The following SLC2A14 variants were observed in gnomAD, a reference collection of about 807,000 sequenced individuals.
SLC2A14 encodes the protein solute carrier family 2 member 14, also known as solute carrier family 2, facilitated glucose transporter member 14.
In SLC2A14, 13 loss-of-function variants were observed where a neutral mutation model predicts 43.0. The observed-to-expected ratio is 0.30, with a 90% CI of 0.20 to 0.48. The LOEUF (loss-of-function observed/expected upper bound fraction) is 0.48, where lower values mean the gene tolerates loss of function less well. Ranked by LOEUF, SLC2A14 falls within the 20% of genes least tolerant of loss-of-function variation. The pLI, the probability that SLC2A14 is intolerant of heterozygous loss-of-function variation, is 0.99. For synonymous variants in SLC2A14, 190 were observed against 233.8 expected (o/e 0.81, Z 1.71); for missense variants, 428 against 620.4 (o/e 0.69, Z 3.29).
chr12:7,838,532 A>G (rs747388798), intron 2 of SLC2A14, among the ~76,000 whole-genome samples: 2 of 152,298 alleles, frequency 1.3e-5, no homozygotes, highest in East Asian at 1.9e-4. Context: ...TTATATTATG[A>G]AAGCACATAA....
chr12:7,877,607 G>A (rs1945484042), upstream of SLC2A14, among the ~76,000 whole-genome samples: 1 of 150,466 alleles, frequency 6.6e-6, no homozygotes, highest in South Asian at 2.1e-4. Flanking sequence ...TGCATTTTTA[G>A]TAGAGGTGGA....
chr12:7,873,674 C>G, upstream of SLC2A14, among the ~76,000 whole-genome samples: 1 of 38,798 alleles, frequency 2.6e-5, no homozygotes, highest in African/African-American at 8.4e-5. Flanking sequence ...AACAAACAAA[C>G]AAACAAAACA....
intron 1 of SLC2A14, among the ~76,000 whole-genome samples, chr12:7,884,307 G>A (rs1460907446): frequency 6.6e-6 from 1 of 152,080 alleles, no homozygotes; most frequent in Non-Finnish European, 1.5e-5. Context: ...TGGAGGCTGG[G>A]ACCTCTTGCT....
In SLC2A14 at chr12:7,814,167, C is replaced by G. The variant is rs1252570609; in HGVS notation, c.*149G>C. The G allele has an allele frequency of 1.7e-5, 25 of 1,452,086 alleles. No homozygotes were observed. Among genetic ancestry groups the G allele is most frequent in the Non-Finnish European group, 1.6e-5 (17 of 1,078,316 alleles). 90.0% of individuals were successfully genotyped at this position (1,452,086 alleles called of 1,614,324 possible). A position where few individuals can be genotyped will look rare whatever the true frequency, so the allele number is the denominator to read the frequency against. ...CCATTGAAGATCCAACAAACTGCAG[C>G]CTTGGGGTGCTCATGGAGTGCGTGG... On this transcript the variant is annotated 3_prime_UTR_variant, in exon 11 of 11. Coordinates refer to ENST00000431042, the MANE Select transcript of SLC2A14 (RefSeq NM_001286234.2).
intron 6 of SLC2A14, among the ~76,000 whole-genome samples, chr12:7,827,972 T>C (rs1864640877): frequency 6.6e-6 from 1 of 152,132 alleles, no homozygotes; most frequent in Non-Finnish European, 1.5e-5. Flanking sequence ...AGCCCATCTC[T>C]AATAAAAATA....
chr12:7,888,289 G>GT (rs1345720895), intron 1 of SLC2A14, among the ~76,000 whole-genome samples: 2 of 151,988 alleles, frequency 1.3e-5, no homozygotes, highest in African/African-American at 4.8e-5. Context: ...GCAGTCCTGT[G>GT]ACACAAGCAG....
chr12:7,826,243 A>T (rs974918212), intron 7 of SLC2A14, among the ~76,000 whole-genome samples: 2 of 147,418 alleles, frequency 1.4e-5, no homozygotes, highest in Non-Finnish European at 3.0e-5. Context: ...TTTTTTTAAG[A>T]CAGGGTCATG....
chr12:7,826,891 T>TTC lies in SLC2A14; in HGVS notation c.864+602_864+603dup, dbSNP rs1409759041. Among the ~76,000 whole-genome samples, 3 of 54,194 alleles carry TTC rather than the reference T, an allele frequency of 5.5e-5. 1 individual carries two copies. The highest frequency in any genetic ancestry group is 1.2e-4 in the Non-Finnish European group (3 of 25,682). The allele number at this position is 54,194 out of a possible 152,430, so 35.6% of individuals were successfully genotyped here. On this transcript the variant is annotated intron_variant, in intron 7 of 10. Transcript: ENST00000431042. ...TTTCTTTCTTTCTTTCTTTCTTTCT[T>TTC]TCTTTCTTTCTTTCTTTCTTTCTTT... is the stretch of plus-strand genomic sequence containing the variant.
chr12:7,831,615 G>GT lies in SLC2A14; in HGVS notation c.260dup (p.Asn87LysfsTer27), dbSNP rs1462065725. ...TTTCTAGTCAATACCTGCCAAAGCG[G>GT]TTAACAAAGAGTCCGACGGAAAAGG... On this transcript the variant is annotated frameshift_variant, in exon 4 of 11. Transcript: ENST00000431042. LOFTEE classifies it high-confidence loss of function. 1 of 1,614,130 alleles carries GT rather than the reference G, an allele frequency of 6.2e-7. No individual in the cohort carries two copies.
intron 1 of SLC2A14, among the ~76,000 whole-genome samples, chr12:7,888,730 A>G (rs10772836): frequency 0.99 from 149,121 of 150,130 alleles, 74,070 homozygotes; most frequent in East Asian, 1. Flanking sequence ...CCTGGGAGGT[A>G]GAGGTTGCAG....
Position 7,830,003 on chromosome 12 carries a change from G to A in SLC2A14, c.276C>T (p.Arg92=). 1 of 1,614,168 alleles carries A rather than the reference G, an allele frequency of 6.2e-7. No homozygotes were observed. Among genetic ancestry groups the A allele is most frequent in the Non-Finnish European group, 8.5e-7 (1 of 1,180,010 alleles). ...ACAGGTTGACAATCAGCATTGAATT[G>A]CGCCTGTAAGGTTAATCAAAGACAA... The part of the protein sequence containing the change: ...VGLFVNRFGR[R]NSMLIVNLLA... The change falls in exon 5 of 11, where the codon CGC becomes CGT. Residue 92 remains arginine, a synonymous_variant. Transcript: ENST00000431042.
At chr12:7,870,817 G>A in intron 1 of SLC2A14, 1 of 1,188,166 alleles carries the variant, frequency 8.4e-7, no homozygotes, top group Non-Finnish European at 1.1e-6. Flanking sequence ...CCAGCTCCAA[G>A]AACCCAGTGA....
chr12:7,887,677 C>T (rs1945711150), intron 1 of SLC2A14, among the ~76,000 whole-genome samples: 1 of 152,016 alleles, frequency 6.6e-6, no homozygotes, highest in Non-Finnish European at 1.5e-5. Flanking sequence ...TCACATTTGG[C>T]ATGTATGTCA....
intron 4 of SLC2A14, among the ~76,000 whole-genome samples, chr12:7,830,733 T>C (rs1864950563): frequency 6.6e-6 from 1 of 152,194 alleles, no homozygotes; most frequent in Non-Finnish European, 1.5e-5. Flanking sequence ...ATTTCTAGAA[T>C]ATCTAATTGG....
intron 1 of SLC2A14, among the ~76,000 whole-genome samples, chr12:7,887,163 CAGCCTCCCAA>C (rs924930233): frequency 6.6e-6 from 1 of 152,038 alleles, no homozygotes; most frequent in African/African-American, 2.4e-5. Context: ...CCACCAACCT[CAGCCTCCCAA>C]AGTGCTGGGA....
At chr12:7,871,031 C>A (rs1945199729) in intron 1 of SLC2A14, 1 of 1,429,412 alleles carries the variant, frequency 7.0e-7, no homozygotes, top group Admixed American at 1.9e-5. Context: ...GACAAGCTGG[C>A]TTCACCGCGG....
chr12:7,847,290 C>A (rs1866551281), intron 2 of SLC2A14, among the ~76,000 whole-genome samples: 1 of 152,004 alleles, frequency 6.6e-6, no homozygotes, highest in South Asian at 2.1e-4. Flanking sequence ...ATACATGTGG[C>A]TGATCTGAGT....
rs1945547145 is a variant in SLC2A14 at position 7,880,456 on chromosome 12, C to T, written c.132+10540G>A. 2.2e-5 allele frequency among the ~76,000 whole-genome samples: 3 copies of T among 137,756 alleles called. No individual in the cohort carries two copies. In the South Asian group the frequency reaches 7.1e-4, roughly 33 times the overall value. 90.4% of individuals were successfully genotyped at this position (137,756 alleles called of 152,430 possible). On this transcript the variant is annotated intron_variant, in intron 1 of 9. Coordinates refer to the SLC2A14 transcript ENST00000539924. The stretch of plus-strand genomic sequence containing the variant: ...CACCACTGCACTCCAGCTTAGGCAA[C>T]AAAGCAAGACTCTTGTCTCAAAAAA...
chr12:7,849,211 A>C (rs1039447035), intron 2 of SLC2A14, among the ~76,000 whole-genome samples: 1 of 152,132 alleles, frequency 6.6e-6, no homozygotes, highest in Non-Finnish European at 1.5e-5. Context: ...TCTTGATAAA[A>C]ACATCCATAC....
Sources: gnomAD v4.1 joint callset for allele counts (sites outside exome capture counted in the v4.1 genomes callset) on GRCh38, gnomAD v4.1.1 for gene constraint, MANE v1.5 for transcripts, NCBI Gene and HGNC (gene_info 2026-07-23, HGNC 2026-07-21) for gene names.